The following UHRF1 variants were observed in gnomAD, a reference collection of about 807,000 sequenced individuals.
UHRF1 encodes the protein ubiquitin like with PHD and ring finger domains 1.
In UHRF1, 9 loss-of-function variants were observed where a neutral mutation model predicts 96.5. The ratio of observed to expected loss-of-function variants is 0.09; its 90% CI spans 0.06 to 0.16. UHRF1 has a LOEUF of 0.16. Ranked by LOEUF, UHRF1 falls within the 10% of genes least tolerant of loss-of-function variation. The probability of loss-of-function intolerance (pLI) is 1.00; values close to 1 mark genes in which losing one functional copy is unlikely to be tolerated. For missense variants in UHRF1, 626 were observed against 1,131.1 expected, an observed-to-expected ratio of 0.55 and a Z score of 6.40; for synonymous variants, 455 against 469.9, an observed-to-expected ratio of 0.97 and a Z score of 0.41.
At chr19:4,931,021 G>A (rs1344049939) in intron 4 of UHRF1, 145 bp downstream of exon 4, 5 of 1,133,384 alleles carry the variant, frequency 4.4e-6, no homozygotes, top group Non-Finnish European at 6.3e-6. Flanking sequence ...AACAGCATAC[G>A]AGGCTGCCCA....
intron 2 of UHRF1, among the ~76,000 whole-genome samples, chr19:4,921,016 C>T (rs1248093298): frequency 2.0e-5 from 3 of 151,958 alleles, no homozygotes; most frequent in South Asian, 2.1e-4. Context: ...CCCAGCTACT[C>T]GGGAGGCTGA....
At chr19:4,928,305 G>A (rs1459710759) in intron 2 of UHRF1, among the ~76,000 whole-genome samples, 1 of 151,670 alleles carries the variant, frequency 6.6e-6, no homozygotes, top group Non-Finnish European at 1.5e-5. Context: ...TGCCTTGGGG[G>A]CATCTAGATG....
rs763324730 is a variant in UHRF1 at position 4,941,590 on chromosome 19, C to T, written c.848C>T (p.Pro283Leu). Residue 283 changes from proline (P) to leucine (L), a missense_variant, in exon 6 of 17, where the codon CCG becomes CTG. Around this residue, in one of 11 missense-constraint regions of UHRF1, gnomAD observed 198 missense variants for 235.1 expected, o/e 0.84. Transcript: ENST00000650932. The part of the protein sequence containing the change: ...FVDEVFKIER[P>L]GEGSPMVDNP... Reference sequence around the variant, plus strand: ...GACGAAGTCTTCAAGATTGAGCGGCCGGGTGAAGGGAGCCCCATGGTTGAC... The same window carrying T: ...GACGAAGTCTTCAAGATTGAGCGGCTGGGTGAAGGGAGCCCCATGGTTGAC... 75 of 1,613,684 alleles carry T rather than the reference C, an allele frequency of 4.6e-5. No individual in the cohort carries two copies. Among genetic ancestry groups the T allele is most frequent in the East Asian group, 4.0e-4 (18 of 44,868 alleles).
chr19:4,911,872 C>T (rs372539157), intron 2 of UHRF1, among the ~76,000 whole-genome samples: 1 of 152,080 alleles, frequency 6.6e-6, no homozygotes, highest in Non-Finnish European at 1.5e-5. Flanking sequence ...TGGGGACGGG[C>T]GTAGACTACT....
At chr19:4,947,488 A>ATTTTTTTTTTTT (rs1568427975) in intron 11 of UHRF1, among the ~76,000 whole-genome samples, 7 of 70,368 alleles carry the variant, frequency 9.9e-5, no homozygotes, top group Non-Finnish European at 1.4e-4. Context: ...GATAATAGAT[A>ATTTTTTTTTTTT]TCTTTTTTTT....
rs2033417618 is a variant in UHRF1 at position 4,941,948 on chromosome 19, CCGCCGCGG to C, written c.1073+18_1073+25del. The stretch of plus-strand genomic sequence containing the variant: ...GGACGAGTGGTGAGTGCGGCCCTGC[CCGCCGCGG>C]GGAGACCAGAGCGCCCCCTACAAAT... On this transcript the variant is annotated intron_variant, in intron 7 of 16. Transcript: ENST00000650932. The C allele has an allele frequency of 6.8e-7, 1 of 1,475,124 alleles. No individual in the cohort carries two copies. The highest frequency in any genetic ancestry group is 2.4e-5 in the East Asian group (1 of 41,016). 91.4% of individuals were successfully genotyped at this position (1,475,124 alleles called of 1,614,324 possible). A position where few individuals can be genotyped will look rare whatever the true frequency, so the allele number is the denominator to read the frequency against.
chr19:4,948,697 G>A (rs192008617), intron 11 of UHRF1, among the ~76,000 whole-genome samples: 67 of 152,244 alleles, frequency 4.4e-4, no homozygotes, highest in African/African-American at 1.3e-3. Context: ...AGCTACTTGG[G>A]AGGCTGAGGC....
At chr19:4,938,985 T>C (rs1599276357) in intron 5 of UHRF1, among the ~76,000 whole-genome samples, 1 of 151,610 alleles carries the variant, frequency 6.6e-6, no homozygotes, top group African/African-American at 2.4e-5. Flanking sequence ...ACGATCTTGG[T>C]TCCCTGCAAC....
intron 15 of UHRF1, among the ~76,000 whole-genome samples, chr19:4,956,292 C>G (rs1475833206): frequency 1.3e-5 from 2 of 152,182 alleles, no homozygotes. Context: ...TCTTGAACAC[C>G]TGGCTCAAGC....
intron 2 of UHRF1, among the ~76,000 whole-genome samples, chr19:4,920,386 T>C (rs62112537): frequency 0.013 from 1,988 of 151,818 alleles, 22 homozygotes; most frequent in Non-Finnish European, 0.018. Flanking sequence ...GAGCTGAGAT[T>C]GCGCCACTGC....
intron 5 of UHRF1, among the ~76,000 whole-genome samples, chr19:4,940,735 C>T (rs1039447413): frequency 4.0e-5 from 6 of 151,744 alleles, no homozygotes; most frequent in South Asian, 2.1e-4. Flanking sequence ...TGCAGTGGCA[C>T]GATCTTGGCT....
intron 9 of UHRF1, 111 bp downstream of exon 9, chr19:4,944,561 C>G: frequency 8.5e-7 from 1 of 1,172,676 alleles, no homozygotes; most frequent in South Asian, 1.3e-5. Context: ...ACCAGTGGTG[C>G]CTCGGCTAGC....
At chr19:4,940,985 T>C (rs1568423348) in intron 5 of UHRF1, among the ~76,000 whole-genome samples, 2 of 151,786 alleles carry the variant, frequency 1.3e-5, no homozygotes, top group African/African-American at 4.8e-5. Flanking sequence ...CCTTTATGAG[T>C]CTTGCTTGTC....
intron 16 of UHRF1, among the ~76,000 whole-genome samples, chr19:4,959,610 C>T (rs17884521): frequency 0.017 from 2,525 of 152,326 alleles, 80 homozygotes; most frequent in African/African-American, 0.056. Flanking sequence ...TCCCCAGGCA[C>T]GACTTGGTTG....
Position 4,956,785 on chromosome 19 carries a change from C to T in UHRF1, c.2207C>T (p.Thr736Met), listed in dbSNP as rs1172999712. ...CCQELVFRPI[T>M]TVCQHNVCKD... ...CAGGAGCTGGTGTTCCGGCCCATCA[C>T]GACCGTGTGCCAGCACAACGTGTGC... The change falls in exon 16 of 17, where the codon ACG becomes ATG. Residue 736 changes from threonine (T) to methionine (M), a missense_variant. Transcript: ENST00000650932. 11 of 1,609,912 alleles carry T rather than the reference C, an allele frequency of 6.8e-6. No individual in the cohort carries two copies. The highest frequency in any genetic ancestry group is 1.3e-5 in the African/African-American group (1 of 74,860).
In UHRF1 at chr19:4,917,451, C is replaced by T. The variant is rs2602704; in HGVS notation, c.153+6413C>T. Among the ~76,000 whole-genome samples the T allele has an allele frequency of 3.0e-3, 448 of 151,502 alleles. 2 individuals carry two copies. Among genetic ancestry groups the T allele is most frequent in the African/African-American group, 8.7e-3 (362 of 41,388 alleles). ...CAGGCGGATCACGAGGTCAAGAGATCGAGACCATGCTGGCCAACATGGTGA... is the reference window on the plus strand; with the variant it reads ...CAGGCGGATCACGAGGTCAAGAGATTGAGACCATGCTGGCCAACATGGTGA... On this transcript the variant is annotated intron_variant, in intron 2 of 16. Transcript: ENST00000650932.
At chr19:4,946,109 A>G in intron 10 of UHRF1, 144 bp downstream of exon 10, 1 of 606,770 alleles carries the variant, frequency 1.6e-6, no homozygotes, top group Non-Finnish European at 2.9e-6. Context: ...TTGCTATGCA[A>G]CCATCACCAC....
chr19:4,917,652 CAAAAAAA>C lies in UHRF1; in HGVS notation c.153+6633_153+6639del, dbSNP rs754990585. 5.9e-3 allele frequency among the ~76,000 whole-genome samples: 203 copies of C among 34,362 alleles called. 2 individuals are homozygous for C. Among genetic ancestry groups the C allele is most frequent in the African/African-American group, 0.017 (193 of 11,216 alleles). The allele number at this position is 34,362 out of a possible 152,430, so 22.5% of individuals were successfully genotyped here. ...TTGGCAACAGAGCGAGACTCCGTCT[CAAAAAAA>C]AAAAAAAAAAAAAAAAAAGAGACAA... On this transcript the variant is annotated intron_variant, in intron 2 of 16. Coordinates refer to ENST00000650932, the MANE Select transcript of UHRF1 (RefSeq NM_001048201.3).
At position 4,932,870 on chromosome 19, in the gene UHRF1, G is replaced by A. The variant is rs757387195; in HGVS notation, c.699G>A (p.Lys233=). 3.7e-6 allele frequency: 6 copies of A among 1,613,900 alleles called. No homozygotes were observed. The highest frequency in any genetic ancestry group is 5.1e-6 in the Non-Finnish European group (6 of 1,179,906). The change falls in exon 5 of 17, where the codon AAG becomes AAA. Residue 233 remains lysine, a synonymous_variant. Coordinates refer to ENST00000650932, the MANE Select transcript of UHRF1 (RefSeq NM_001048201.3). ...VMLNYNPDNP[K]ERGFWYDAEI... is the part of the protein sequence containing the mutation. Reference sequence around the variant, plus strand: ...TCAACTACAACCCCGACAACCCCAAGGAGCGGGGCTTCTGGTACGACGCGG... The same window carrying A: ...TCAACTACAACCCCGACAACCCCAAAGAGCGGGGCTTCTGGTACGACGCGG...
Sources: gnomAD v4.1 joint callset for allele counts (sites outside exome capture counted in the v4.1 genomes callset) on GRCh38, gnomAD v4.1.1 for gene constraint, gnomAD v4.1.1 regional missense constraint, MANE v1.5 for transcripts, NCBI Gene and HGNC (gene_info 2026-07-23, HGNC 2026-07-21) for gene names.